Variants in OGDH observed in about 807,000 individuals in gnomAD.
OGDH encodes the protein oxoglutarate dehydrogenase.
Under a neutral mutation model 116.6 loss-of-function variants are expected in OGDH, and 38 were observed. The observed-to-expected ratio is 0.33, with a 90% CI of 0.25 to 0.43. The LOEUF (loss-of-function observed/expected upper bound fraction) is 0.43, where lower values mean the gene tolerates loss of function less well. Among genes scored for constraint, OGDH ranks in the 20% least tolerant of loss-of-function variants. OGDH has a pLI of 1.00. For missense variants in OGDH, 825 were observed against 1,357.2 expected, an observed-to-expected ratio of 0.61 and a Z score of 6.16; for synonymous variants, 488 against 533.3, an observed-to-expected ratio of 0.92 and a Z score of 1.17.
chr7:44,653,211 G>C (rs921691086), intron 4 of OGDH, among the ~76,000 whole-genome samples: 15 of 152,132 alleles, frequency 9.9e-5, no homozygotes, highest in African/African-American at 3.6e-4. Flanking sequence ...TCGTGCCTCA[G>C]CCTCTCAAGT....
At position 44,673,843 on chromosome 7, in the gene OGDH, G is replaced by A. The variant is rs1276017234; in HGVS notation, c.690G>A (p.Gln230=). The A allele has an allele frequency of 6.2e-7, 1 of 1,614,064 alleles. No homozygotes were observed. The change falls in exon 6 of 23, where the codon CAG becomes CAA. Residue 230 remains glutamine, a synonymous_variant. Transcript: ENST00000222673. ...VEFMFINDLE[Q]CQWIRQKFET... ...TCATGTTCATCAATGACCTGGAGCA[G>A]TGCCAGTGGATCCGGCAGAAGTTTG... is the stretch of plus-strand genomic sequence containing the variant.
chr7:44,631,290 T>C (rs1785429499), intron 2 of OGDH, among the ~76,000 whole-genome samples: 1 of 152,188 alleles, frequency 6.6e-6, no homozygotes, highest in Admixed American at 6.5e-5. Flanking sequence ...TACCCCTTGA[T>C]GATTTTTTGT....
At chr7:44,705,992 T>C (rs1789054746) in intron 20 of OGDH, among the ~76,000 whole-genome samples, 1 of 152,222 alleles carries the variant, frequency 6.6e-6, no homozygotes, top group East Asian at 1.9e-4. Flanking sequence ...CAGGTTGGAG[T>C]GCAGAGGCAT....
chr7:44,614,303 G>GTT (rs1223054626), intron 1 of OGDH, among the ~76,000 whole-genome samples: 10 of 112,654 alleles, frequency 8.9e-5, no homozygotes, highest in African/African-American at 1.4e-4. Flanking sequence ...GGTTTTTTTT[G>GTT]TTTTTTTTGT....
chr7:44,707,126 G>T lies in OGDH; in HGVS notation c.2633-99G>T. On this transcript the variant is annotated intron_variant, in intron 20 of 22. Coordinates refer to ENST00000222673, the MANE Select transcript of OGDH (RefSeq NM_002541.4). The surrounding 1 kb of genome is among the most constrained non-coding windows in gnomAD (Gnocchi z 5.2). Reference sequence around the variant, plus strand: ...GAAGCATCTCTAACCCTTGAAAGCTGCGTCTCCTGGCAGCAGTCCCTGGCA... The same window carrying T: ...GAAGCATCTCTAACCCTTGAAAGCTTCGTCTCCTGGCAGCAGTCCCTGGCA... 1 of 1,285,478 alleles carries T rather than the reference G, an allele frequency of 7.8e-7. No individual in the cohort carries two copies. The highest frequency in any genetic ancestry group is 1.1e-6 in the Non-Finnish European group (1 of 919,806). 79.6% of individuals were successfully genotyped at this position (1,285,478 alleles called of 1,614,324 possible).
chr7:44,688,795 C>T (rs1340385617), intron 10 of OGDH, among the ~76,000 whole-genome samples: 1 of 152,118 alleles, frequency 6.6e-6, no homozygotes, highest in Non-Finnish European at 1.5e-5. Context: ...GTGGCCCAGG[C>T]TGGAGTGCAA....
At chr7:44,616,787 A>ATATATACATATATACG (rs1562610705) in intron 1 of OGDH, among the ~76,000 whole-genome samples, 16 of 66,448 alleles carry the variant, frequency 2.4e-4, no homozygotes, top group African/African-American at 5.6e-4. Context: ...GTATATGCAT[A>ATATATACATATATACG]TATATATGTG....
At position 44,653,083 on chromosome 7, in the gene OGDH, G is replaced by T. The variant is rs548409456; in HGVS notation, c.517+5324G>T. Among the ~76,000 whole-genome samples, 320 of 151,764 alleles carry T rather than the reference G, an allele frequency of 2.1e-3. 1 individual carries two copies. Among genetic ancestry groups the T allele is most frequent in the Non-Finnish European group, 3.1e-3 (210 of 67,872 alleles). On this transcript the variant is annotated intron_variant, in intron 4 of 22. Coordinates refer to ENST00000222673, the MANE Select transcript of OGDH (RefSeq NM_002541.4). ...CTCAGTTTTTTCTTGCTGTTGTTTG[G>T]TTTTTTTTAATTATTATTTTTGTTT... is the stretch of plus-strand genomic sequence containing the variant.
At chr7:44,701,750 C>G (rs770743690) in intron 20 of OGDH, 135 bp downstream of exon 20, 3 of 839,018 alleles carry the variant, frequency 3.6e-6, no homozygotes, top group Non-Finnish European at 5.8e-6. Flanking sequence ...TTGTAAAGAC[C>G]CGTGATACAT....
intron 1 of OGDH, among the ~76,000 whole-genome samples, chr7:44,608,731 GGAAA>G (rs1784450840): frequency 6.6e-6 from 1 of 151,546 alleles, no homozygotes; most frequent in African/African-American, 2.4e-5. Flanking sequence ...AAAAAAAAAA[GGAAA>G]GAAAAAACTA....
intron 9 of OGDH, chr7:44,676,568 T>A (rs532087316): frequency 5.5e-5 from 13 of 234,920 alleles, no homozygotes; most frequent in African/African-American, 1.4e-4. Context: ...AAGAAAAAAA[T>A]AAATAAATAA....
At chr7:44,686,046 C>CTTTCTTTTTTT (rs1554305942) in intron 10 of OGDH, among the ~76,000 whole-genome samples, 1 of 144,890 alleles carries the variant, frequency 6.9e-6, no homozygotes, top group African/African-American at 2.5e-5. Flanking sequence ...TTCTTTCTTT[C>CTTTCTTTTTTT]TTTTTTTTTT....
intron 12 of OGDH, among the ~76,000 whole-genome samples, chr7:44,695,137 C>T (rs189839947): frequency 0.011 from 1,646 of 152,118 alleles, 18 homozygotes; most frequent in South Asian, 0.017. Flanking sequence ...GCTCTGTCAC[C>T]CAGGCTGGAG....
chr7:44,644,255 T>C (rs999232263), intron 2 of OGDH, among the ~76,000 whole-genome samples: 6 of 152,258 alleles, frequency 3.9e-5, no homozygotes, highest in Admixed American at 3.3e-4. Context: ...CTTTTTACAA[T>C]GAACTTTTGT....
chr7:44,645,629 C>A, intron 3 of OGDH, 111 bp downstream of exon 3: 3 of 975,100 alleles, frequency 3.1e-6, no homozygotes, highest in African/African-American at 1.6e-5. Flanking sequence ...ACTTATACCT[C>A]CTCAAATACT....
chr7:44,675,476 G>T (rs1422594449), intron 8 of OGDH, among the ~76,000 whole-genome samples: 2 of 152,228 alleles, frequency 1.3e-5, no homozygotes, highest in African/African-American at 2.4e-5. Flanking sequence ...CACTCTGAGT[G>T]CAGGGGTGTG....
chr7:44,695,534 G>A (rs150343100), intron 12 of OGDH, among the ~76,000 whole-genome samples: 46 of 151,976 alleles, frequency 3.0e-4, no homozygotes, highest in African/African-American at 5.8e-4. Flanking sequence ...GTGAAACCCC[G>A]TCTACTAAAA....
intron 1 of OGDH, among the ~76,000 whole-genome samples, chr7:44,622,505 C>G (rs1264000338): frequency 6.6e-6 from 1 of 152,080 alleles, no homozygotes; most frequent in Non-Finnish European, 1.5e-5. Flanking sequence ...CTTTTGCTGA[C>G]CTATCTCTTC....
intron 4 of OGDH, among the ~76,000 whole-genome samples, chr7:44,653,079 T>C (rs2115882309): frequency 6.6e-6 from 1 of 152,158 alleles, no homozygotes; most frequent in East Asian, 1.9e-4. Context: ...CTTGCTGTTG[T>C]TTGGTTTTTT....
Sources: allele counts gnomAD v4.1 joint callset (sites outside exome capture counted in the v4.1 genomes callset), GRCh38; gene constraint gnomAD v4.1.1; non-coding constraint Gnocchi (gnomAD v3.1); transcripts MANE v1.5; gene names NCBI Gene and HGNC (gene_info 2026-07-23, HGNC 2026-07-21).